Variants in WWOX observed in about 807,000 individuals in gnomAD.
WWOX encodes the protein WW domain-containing oxidoreductase.
In WWOX, 69 loss-of-function variants were observed where a neutral mutation model predicts 46.2. The ratio of observed to expected loss-of-function variants is 1.49; its 90% confidence interval spans 1.23 to 1.82. The LOEUF is 1.82. Among genes scored for constraint, WWOX ranks in the 40% most tolerant of loss-of-function variants. The pLI is 0.00. For synonymous variants in WWOX, 359 were observed against 202.6 expected (o/e 1.77, Z -6.56); for missense variants, 919 against 542.6 (o/e 1.69, Z -6.89).
At chr16:78,962,322 TTTTTAAAA>T (rs2046286180) in intron 8 of WWOX, among the ~76,000 whole-genome samples, 1 of 93,648 alleles carries the variant, frequency 1.1e-5, no homozygotes, top group Non-Finnish European at 1.9e-5. Flanking sequence ...TTTTTTTTTT[TTTTTAAAA>T]AAAAAAAAAA....
At chr16:79,042,099 C>T (rs1375063711) in intron 8 of WWOX, among the ~76,000 whole-genome samples, 1 of 152,140 alleles carries the variant, frequency 6.6e-6, no homozygotes, top group Non-Finnish European at 1.5e-5. Context: ...CCTGCACCTG[C>T]TTGCTCTTGG....
intron 5 of WWOX, among the ~76,000 whole-genome samples, chr16:78,190,307 T>G (rs1030870248): frequency 3.9e-5 from 6 of 152,136 alleles, no homozygotes; most frequent in African/African-American, 1.4e-4. Context: ...GTAAGAAAGG[T>G]GACGTCAATC....
intron 8 of WWOX, among the ~76,000 whole-genome samples, chr16:78,526,876 C>T (rs548406963): frequency 2.0e-5 from 3 of 152,110 alleles, no homozygotes; most frequent in Non-Finnish European, 4.4e-5. Flanking sequence ...GCCCAGTGTG[C>T]CAGCGAGGGC....
intron 8 of WWOX, among the ~76,000 whole-genome samples, chr16:78,463,771 A>G (rs2084008906): frequency 6.6e-6 from 1 of 152,162 alleles, no homozygotes; most frequent in South Asian, 2.1e-4. Context: ...GATGTGTGTT[A>G]GGTTAGGGTT....
In WWOX at chr16:79,059,948, G is replaced by C. The variant is rs531454904; in HGVS notation, c.1057-151660G>C. On this transcript the variant is annotated intron_variant, in intron 8 of 8. Transcript: ENST00000566780. ...AGAAATGCTGCTTTTGGTACACTGA[G>C]AGGTCATTCATTTAAAGTTTGTCCT... Among the ~76,000 whole-genome samples the C allele has an allele frequency of 8.5e-5, 13 of 152,242 alleles. 1 individual carries two copies. Among genetic ancestry groups the C allele is most frequent in the African/African-American group, 3.1e-4 (13 of 41,554 alleles).
intron 8 of WWOX, among the ~76,000 whole-genome samples, chr16:78,613,044 C>G (rs1415264601): frequency 6.6e-6 from 1 of 152,118 alleles, no homozygotes; most frequent in Non-Finnish European, 1.5e-5. Context: ...CCAAGAGGTG[C>G]CTCTTGAGAG....
At chr16:78,102,758 C>G (rs543624237) in intron 1 of WWOX, among the ~76,000 whole-genome samples, 1 of 152,306 alleles carries the variant, frequency 6.6e-6, no homozygotes, top group South Asian at 2.1e-4. Context: ...GCCCAGGTTG[C>G]AGATGTCATG....
At chr16:78,629,616 C>A (rs938763690) in intron 8 of WWOX, among the ~76,000 whole-genome samples, 1 of 152,188 alleles carries the variant, frequency 6.6e-6, no homozygotes, top group Admixed American at 6.5e-5. Context: ...GTACCACTTT[C>A]CCCAGAAACC....
Position 78,817,348 on chromosome 16 carries a change from C to A in WWOX, c.1056+384596C>A, listed in dbSNP as rs1458731294. On this transcript the variant is annotated intron_variant, in intron 8 of 8. Coordinates refer to ENST00000566780, the MANE Select transcript of WWOX (RefSeq NM_016373.4). ...TTATTACATTAATTTTAGAAGAAAC[C>A]AGAAGGCATTTCTCCTATTCCTAGT... Among the ~76,000 whole-genome samples, 7 of 151,872 alleles carry A rather than the reference C, an allele frequency of 4.6e-5. No homozygotes were observed. In the East Asian group the frequency reaches 9.7e-4, roughly 21 times the overall value.
At position 79,011,463 on chromosome 16, in the gene WWOX, A is replaced by AT. The variant is rs763836428; in HGVS notation, c.1057-200142dup. ...TCTTCCTTTTTTTATTTTTTATTTT[A>AT]TTTATTTATTTATTTATTTATTTAT... On this transcript the variant is annotated intron_variant, in intron 8 of 8. Transcript: ENST00000566780. Among the ~76,000 whole-genome samples the AT allele has an allele frequency of 1.0e-4, 8 of 77,894 alleles. 1 individual carries two copies. In the South Asian group the frequency reaches 1.9e-3, roughly 19 times the overall value. The allele number at this position is 77,894 out of a possible 152,430, so 51.1% of individuals were successfully genotyped here. A position where few individuals can be genotyped will look rare whatever the true frequency, so the allele number is the denominator to read the frequency against.
intron 8 of WWOX, among the ~76,000 whole-genome samples, chr16:78,441,630 G>A (rs1389991101): frequency 1.3e-5 from 2 of 152,052 alleles, no homozygotes; most frequent in South Asian, 2.1e-4. Flanking sequence ...GACAGCTCTC[G>A]GGTCCAGCCC....
intron 8 of WWOX, among the ~76,000 whole-genome samples, chr16:79,026,909 G>C (rs1406774210): frequency 6.6e-6 from 1 of 151,078 alleles, no homozygotes; most frequent in Non-Finnish European, 1.5e-5. Context: ...GATTACAGGT[G>C]TGAGCCACCA....
chr16:78,898,309 ATTTT>A (rs2044748346), intron 8 of WWOX: 1 of 152,076 alleles, frequency 6.6e-6, no homozygotes, highest in Admixed American at 6.5e-5. Flanking sequence ...TCTCAAATTA[ATTTT>A]TGTATATGGT....
At chr16:79,061,459 G>GT (rs767326600) in intron 8 of WWOX, among the ~76,000 whole-genome samples, 1 of 152,204 alleles carries the variant, frequency 6.6e-6, no homozygotes, top group South Asian at 2.1e-4. Flanking sequence ...GGCACTCTGG[G>GT]TGTAAAGCAT....
At chr16:78,261,407 AAAATAAATAAATAAAT>A (rs140119556) in intron 5 of WWOX, among the ~76,000 whole-genome samples, 1 of 146,060 alleles carries the variant, frequency 6.8e-6, no homozygotes, top group South Asian at 2.1e-4. Context: ...CCTGTCTCTA[AAAATAAATAAATAAAT>A]AAATAAATAA....
At chr16:78,935,236 C>T (rs2045711105) in intron 8 of WWOX, among the ~76,000 whole-genome samples, 1 of 152,170 alleles carries the variant, frequency 6.6e-6, no homozygotes. Context: ...CCATTTGACC[C>T]AGCCATCCCA....
At chr16:78,381,561 G>T (rs1597134904) in intron 5 of WWOX, among the ~76,000 whole-genome samples, 1 of 1,446 alleles carries the variant, frequency 6.9e-4, no homozygotes, top group Admixed American at 8.8e-3. Flanking sequence ...ATGATGGGTA[G>T]GTAGAGTCTG....
intron 8 of WWOX, among the ~76,000 whole-genome samples, chr16:79,002,969 C>T (rs1254334785): frequency 6.6e-6 from 1 of 152,186 alleles, no homozygotes. Context: ...AAAATGATAT[C>T]GCTCAGAAAA....
intron 8 of WWOX, among the ~76,000 whole-genome samples, chr16:78,638,018 T>C (rs890748107): frequency 6.6e-6 from 1 of 152,208 alleles, no homozygotes; most frequent in Non-Finnish European, 1.5e-5. Flanking sequence ...GTTTGAGTTC[T>C]TCCCTGGGAA....
Sources: allele counts gnomAD v4.1 joint callset (sites outside exome capture counted in the v4.1 genomes callset), GRCh38; gene constraint gnomAD v4.1.1; transcripts MANE v1.5; gene names NCBI Gene and HGNC (gene_info 2026-07-23, HGNC 2026-07-21).